The following SUSD6 variants were observed in gnomAD, a reference collection of about 807,000 sequenced individuals.
SUSD6 encodes sushi domain-containing protein 6.
A neutral mutation model predicts 28.4 loss-of-function variants in SUSD6; 16 were observed. The observed-to-expected ratio is 0.56, with a 90% confidence interval of 0.38 to 0.86. The LOEUF (loss-of-function observed/expected upper bound fraction) is 0.86, where lower values mean the gene tolerates loss of function less well. SUSD6 is among the 40% of genes least tolerant of loss of function. SUSD6 has a pLI of 0.00. For missense variants in SUSD6, 341 were observed against 384.2 expected, an observed-to-expected ratio of 0.89 and a Z score of 0.94; for synonymous variants, 147 against 159.6, an observed-to-expected ratio of 0.92 and a Z score of 0.59.
intron 1 of SUSD6, among the ~76,000 whole-genome samples, chr14:69,620,908 C>T (rs1253163906): frequency 6.6e-6 from 1 of 152,112 alleles, no homozygotes; most frequent in African/African-American, 2.4e-5. Context: ...GCATGAATTC[C>T]TTAGGGAATC....
chr14:69,672,567 G>C (rs1205871793), intron 2 of SUSD6, among the ~76,000 whole-genome samples: 1 of 152,196 alleles, frequency 6.6e-6, no homozygotes. Context: ...GAGATGCCAG[G>C]TTCTGCATCA....
intron 5 of SUSD6, among the ~76,000 whole-genome samples, chr14:69,709,942 T>G (rs1316025406): frequency 6.6e-6 from 1 of 152,226 alleles, no homozygotes; most frequent in African/African-American, 2.4e-5. Context: ...AGAGGAAACT[T>G]TATGCTTCCT....
intron 1 of SUSD6, among the ~76,000 whole-genome samples, chr14:69,645,171 G>A (rs1885409039): frequency 6.6e-6 from 1 of 152,188 alleles, no homozygotes. Context: ...TTTGGCTTGA[G>A]TGTGCACCTC....
chr14:69,649,471 T>C (rs1229539575), intron 1 of SUSD6, among the ~76,000 whole-genome samples: 6 of 152,386 alleles, frequency 3.9e-5, no homozygotes, highest in Non-Finnish European at 8.8e-5. Flanking sequence ...TCTGTTTTGC[T>C]ACCTGGCCAA....
At position 69,679,985 on chromosome 14, in the gene SUSD6, A is replaced by AT. The variant is rs543924136; in HGVS notation, c.121+21278dup. Reference sequence around the variant, plus strand: ...GGAACATCTTCCCTATCTGAATATAATTTTTTGGAAGGGCAGTATGTGGGA... The same window carrying AT: ...GGAACATCTTCCCTATCTGAATATAATTTTTTTGGAAGGGCAGTATGTGGGA... On this transcript the variant is annotated intron_variant, in intron 2 of 5. Coordinates refer to ENST00000342745, the MANE Select transcript of SUSD6 (RefSeq NM_014734.4). 2.9e-4 allele frequency among the ~76,000 whole-genome samples: 44 copies of AT among 152,150 alleles called. 1 individual carries two copies. The highest frequency in any genetic ancestry group is 2.4e-5 in the African/African-American group (1 of 41,420).
intron 2 of SUSD6, among the ~76,000 whole-genome samples, chr14:69,669,574 C>T (rs1885799621): frequency 6.6e-6 from 1 of 152,196 alleles, no homozygotes; most frequent in African/African-American, 2.4e-5. Context: ...ACAGCTTCCT[C>T]TACCTCTACG....
At chr14:69,650,824 G>T (rs144906353) in intron 1 of SUSD6, among the ~76,000 whole-genome samples, 26 of 152,266 alleles carry the variant, frequency 1.7e-4, no homozygotes, top group Admixed American at 1.4e-3. Flanking sequence ...TGTACGGATA[G>T]TCCATACAAA....
At chr14:69,690,148 A>G (rs75287978) in intron 2 of SUSD6, among the ~76,000 whole-genome samples, 6,090 of 152,308 alleles carry the variant, frequency 0.04, 436 homozygotes, top group African/African-American at 0.14. Context: ...TGGTCAGTCA[A>G]AAGTGGCTTG....
At chr14:69,638,478 T>A (rs1378726284) in intron 1 of SUSD6, among the ~76,000 whole-genome samples, 2 of 121,322 alleles carry the variant, frequency 1.6e-5, no homozygotes, top group East Asian at 2.6e-4. Context: ...GTGTGTGGGA[T>A]TGAAGGATGA....
chr14:69,663,960 T>C (rs1885699790), intron 2 of SUSD6, among the ~76,000 whole-genome samples: 1 of 151,774 alleles, frequency 6.6e-6, no homozygotes, highest in Non-Finnish European at 1.5e-5. Flanking sequence ...TCACCATGTT[T>C]CCCACTATGG....
intron 1 of SUSD6, among the ~76,000 whole-genome samples, chr14:69,625,981 A>G (rs779575065): frequency 6.6e-6 from 1 of 152,028 alleles, no homozygotes; most frequent in Non-Finnish European, 1.5e-5. Flanking sequence ...AGTGCTCCCC[A>G]TGGTGTTCCA....
intron 1 of SUSD6, among the ~76,000 whole-genome samples, chr14:69,639,047 C>A (rs961118680): frequency 6.6e-6 from 1 of 152,128 alleles, no homozygotes; most frequent in Non-Finnish European, 1.5e-5. Context: ...AAGGCCAGGC[C>A]GGGTGCAGTG....
At chr14:69,612,559 C>G (rs1884896144) in intron 1 of SUSD6, among the ~76,000 whole-genome samples, 1 of 151,988 alleles carries the variant, frequency 6.6e-6, no homozygotes, top group Non-Finnish European at 1.5e-5. Context: ...GAAAAGTTAC[C>G]CTGGACGAAT....
chr14:69,627,621 C>T (rs1290372840), intron 1 of SUSD6, among the ~76,000 whole-genome samples: 3 of 152,126 alleles, frequency 2.0e-5, no homozygotes, highest in Admixed American at 1.3e-4. Context: ...CCCACCACCA[C>T]GCCTGGCTAA....
intron 1 of SUSD6, among the ~76,000 whole-genome samples, chr14:69,640,124 C>T (rs1885330620): frequency 6.6e-6 from 1 of 151,588 alleles, no homozygotes; most frequent in Non-Finnish European, 1.5e-5. Flanking sequence ...GGGAAAGCTC[C>T]CACCTTAATG....
chr14:69,681,040 C>T (rs910431132), intron 2 of SUSD6, among the ~76,000 whole-genome samples: 2 of 152,296 alleles, frequency 1.3e-5, no homozygotes, highest in African/African-American at 2.4e-5. Flanking sequence ...TCAGTAGTTG[C>T]ACAAAAGGAA....
chr14:69,639,313 C>CAAAAAAAA (rs57837741), intron 1 of SUSD6, among the ~76,000 whole-genome samples: 16 of 54,578 alleles, frequency 2.9e-4, no homozygotes, highest in Middle Eastern at 0.017. Flanking sequence ...GACTCCGTCT[C>CAAAAAAAA]AAAAAAAAAA....
chr14:69,642,162 T>C (rs1885362253), intron 1 of SUSD6, among the ~76,000 whole-genome samples: 2 of 152,230 alleles, frequency 1.3e-5, no homozygotes, highest in African/African-American at 4.8e-5. Context: ...TGGAACTTTT[T>C]GTATTTTTTA....
chr14:69,661,308 C>G (rs1885657602), intron 2 of SUSD6, among the ~76,000 whole-genome samples: 1 of 152,214 alleles, frequency 6.6e-6, no homozygotes, highest in African/African-American at 2.4e-5. Context: ...ACTACCCACA[C>G]CTTCCCAGCT....
Sources: allele counts gnomAD v4.1 joint callset (sites outside exome capture counted in the v4.1 genomes callset), GRCh38; gene constraint gnomAD v4.1.1; transcripts MANE v1.5; gene names NCBI Gene and HGNC (gene_info 2026-07-23, HGNC 2026-07-21).